Variants in CPNE4 observed in about 807,000 individuals in gnomAD.
The protein encoded by CPNE4 is copine-4.
CPNE4 carries 25 observed loss-of-function variants against 67.9 expected under a neutral mutation model. The ratio of observed to expected loss-of-function variants is 0.37; its 90% CI spans 0.27 to 0.51. The LOEUF (loss-of-function observed/expected upper bound fraction) is 0.51, where lower values mean the gene tolerates loss of function less well. Among genes scored for constraint, CPNE4 ranks in the 20% least tolerant of loss-of-function variants. The pLI is 0.93. For missense variants in CPNE4, 464 were observed against 690.8 expected, an observed-to-expected ratio of 0.67 and a Z score of 3.68; for synonymous variants, 242 against 244.9, an observed-to-expected ratio of 0.99 and a Z score of 0.11.
At chr3:131,949,192 AC>A (rs1356980378) in intron 1 of CPNE4, among the ~76,000 whole-genome samples, 1 of 152,216 alleles carries the variant, frequency 6.6e-6, no homozygotes, top group Non-Finnish European at 1.5e-5. Context: ...AGGGCCTAAA[AC>A]AAAAGAACAT....
At chr3:131,579,318 G>A (rs1215174466) in intron 9 of CPNE4, among the ~76,000 whole-genome samples, 3 of 152,150 alleles carry the variant, frequency 2.0e-5, no homozygotes, top group Non-Finnish European at 2.9e-5. Context: ...CTTTCAAAAT[G>A]TTACAGTTCA....
intron 2 of CPNE4, among the ~76,000 whole-genome samples, chr3:131,789,557 G>A (rs1041632254): frequency 7.2e-5 from 11 of 152,078 alleles, no homozygotes; most frequent in Non-Finnish European, 1.2e-4. Flanking sequence ...ACTTTACAGG[G>A]TTTTAGGAGG....
intron 14 of CPNE4, among the ~76,000 whole-genome samples, chr3:131,549,528 A>G (rs1936055796): frequency 6.6e-6 from 1 of 152,182 alleles, no homozygotes; most frequent in African/African-American, 2.4e-5. Context: ...CTTTACCACC[A>G]GGAGGCAGAA....
At position 132,003,696 on chromosome 3, in the gene CPNE4, T is replaced by C. The variant is rs376863260; in HGVS notation, c.-2+30871A>G. ...TATTACACAAACCATCATAATGCCA[T>C]CTTTTTAGTATGCTTCCTGAAGCAA... On this transcript the variant is annotated intron_variant, in intron 1 of 15. Transcript: ENST00000429747. Among the ~76,000 whole-genome samples the C allele has an allele frequency of 2.0e-5, 3 of 152,102 alleles. No homozygotes were observed. The East Asian group carries it at 5.8e-4, about 29-fold the overall frequency.
intron 3 of CPNE4, among the ~76,000 whole-genome samples, chr3:131,709,555 G>T (rs1319075157): frequency 1.3e-5 from 2 of 152,218 alleles, no homozygotes; most frequent in African/African-American, 4.8e-5. Flanking sequence ...TGGCAAAGAG[G>T]TTGTTGCAGA....
At chr3:131,590,255 G>A (rs1156231967) in intron 7 of CPNE4, among the ~76,000 whole-genome samples, 1 of 152,158 alleles carries the variant, frequency 6.6e-6, no homozygotes, top group African/African-American at 2.4e-5. Flanking sequence ...AGCAGCATGA[G>A]ATGGCCCACT....
intron 1 of CPNE4, among the ~76,000 whole-genome samples, chr3:131,999,241 T>TAAAAAAAAAAAAAAAAAAAAAAAAAAAA (rs79127364): frequency 3.0e-5 from 3 of 98,834 alleles, no homozygotes; most frequent in African/African-American, 5.4e-5. Flanking sequence ...TTATCCAAGG[T>TAAAAAAAAAAAAAAAAAAAAAAAAAAAA]AAAAAAAAAA....
At position 131,636,035 on chromosome 3, in the gene CPNE4, C is replaced by A. The variant is rs1326528254; in HGVS notation, c.681+33640G>T. 3.3e-5 allele frequency among the ~76,000 whole-genome samples: 3 copies of A among 91,518 alleles called. No individual in the cohort carries two copies. In the East Asian group the frequency reaches 8.8e-4, roughly 27 times the overall value. The allele number at this position is 91,518 out of a possible 152,430, so 60.0% of individuals were successfully genotyped here. A position where few individuals can be genotyped will look rare whatever the true frequency, so the allele number is the denominator to read the frequency against. Reference sequence around the variant, plus strand: ...GGCGGAGCTTGCAGTGAGCCGAGATCCCGCCACTGCACTCCAGCCTGGGCG... The same window carrying A: ...GGCGGAGCTTGCAGTGAGCCGAGATACCGCCACTGCACTCCAGCCTGGGCG... On this transcript the variant is annotated intron_variant, in intron 7 of 15. Coordinates refer to ENST00000429747, the MANE Select transcript of CPNE4 (RefSeq NM_130808.3).
chr3:131,712,137 A>G, intron 3 of CPNE4, among the ~76,000 whole-genome samples: 1 of 152,218 alleles, frequency 6.6e-6, no homozygotes, highest in East Asian at 1.9e-4. Flanking sequence ...CACAATGTTT[A>G]CGTGTCTTAC....
At chr3:131,641,063 T>G (rs2107794340) in intron 7 of CPNE4, among the ~76,000 whole-genome samples, 1 of 152,278 alleles carries the variant, frequency 6.6e-6, no homozygotes, top group Non-Finnish European at 1.5e-5. Context: ...CCATGAGGAC[T>G]GTAGAAGATA....
At chr3:131,765,822 CT>C (rs1320349481) in intron 2 of CPNE4, among the ~76,000 whole-genome samples, 4 of 152,036 alleles carry the variant, frequency 2.6e-5, no homozygotes, top group Non-Finnish European at 5.9e-5. Flanking sequence ...CAAGGAAAAA[CT>C]TATGATGAAG....
At chr3:131,789,490 T>C (rs2083657246) in intron 2 of CPNE4, among the ~76,000 whole-genome samples, 2 of 152,174 alleles carry the variant, frequency 1.3e-5, no homozygotes, top group Non-Finnish European at 2.9e-5. Context: ...GGCCAAGTTA[T>C]TTAACCTTTG....
At chr3:131,988,492 T>C (rs993833964) in intron 1 of CPNE4, among the ~76,000 whole-genome samples, 6 of 152,170 alleles carry the variant, frequency 3.9e-5, no homozygotes, top group Admixed American at 3.9e-4. Context: ...AGAGATGATA[T>C]TAGCTTGGAT....
chr3:131,854,758 T>C lies in CPNE4; in HGVS notation c.180+50506A>G, dbSNP rs2086372162. The stretch of plus-strand genomic sequence containing the variant: ...CCTCCATCTTTATTCTTTTCCTCCG[T>C]TCTTCCTTTATTCCCTCTCCTCTTT... On this transcript the variant is annotated intron_variant, in intron 2 of 15. Coordinates refer to ENST00000429747, the MANE Select transcript of CPNE4 (RefSeq NM_130808.3). 3.3e-5 allele frequency among the ~76,000 whole-genome samples: 5 copies of C among 151,736 alleles called. No homozygotes were observed. In the South Asian group the frequency reaches 1.0e-3, roughly 32 times the overall value.
intron 2 of CPNE4, among the ~76,000 whole-genome samples, chr3:131,774,484 G>T (rs1341215593): frequency 1.3e-5 from 2 of 152,092 alleles, no homozygotes; most frequent in Non-Finnish European, 2.9e-5. Context: ...AAGTATGAAA[G>T]AACCTGGGTT....
chr3:131,552,615 G>A, intron 12 of CPNE4, 124 bp from the exon 13 acceptor site: 1 of 692,232 alleles, frequency 1.4e-6, no homozygotes, highest in Non-Finnish European at 2.5e-6. Flanking sequence ...GTGTTAAGCA[G>A]CAGGAACCAT....
intron 4 of CPNE4, among the ~76,000 whole-genome samples, chr3:131,698,909 CAAAAAAAAA>C (rs750798265): frequency 3.4e-5 from 3 of 87,064 alleles, no homozygotes; most frequent in African/African-American, 1.4e-4. Context: ...GACACTGTCT[CAAAAAAAAA>C]AAAAAAAAAA....
chr3:132,033,405 CTG>C (rs59853721), intron 1 of CPNE4, among the ~76,000 whole-genome samples: 80,883 of 150,674 alleles, frequency 0.54, 22,448 homozygotes, highest in South Asian at 0.64. Flanking sequence ...GTGTGTGTGT[CTG>C]TGTGTGTGTG....
chr3:131,902,404 C>G (rs1024894450), intron 2 of CPNE4, among the ~76,000 whole-genome samples: 1 of 152,044 alleles, frequency 6.6e-6, no homozygotes, highest in African/African-American at 2.4e-5. Context: ...CCCACCAGTT[C>G]TACTTAACAG....
Sources: gnomAD v4.1 joint callset for allele counts (sites outside exome capture counted in the v4.1 genomes callset) on GRCh38, gnomAD v4.1.1 for gene constraint, MANE v1.5 for transcripts, NCBI Gene and HGNC (gene_info 2026-07-23, HGNC 2026-07-21) for gene names.